Variants in WDR25 observed in about 807,000 individuals in gnomAD.
The protein encoded by WDR25 is WD repeat-containing protein 25.
WDR25 carries 35 observed loss-of-function variants against 47.7 expected under a neutral mutation model. The observed-to-expected ratio is 0.73, with a 90% CI of 0.56 to 0.97. The LOEUF (loss-of-function observed/expected upper bound fraction) is 0.97. WDR25 is among the 50% of genes least tolerant of loss of function. The pLI is 0.00. For missense variants in WDR25, 634 were observed against 704.7 expected, an observed-to-expected ratio of 0.90 and a Z score of 1.14; for synonymous variants, 248 against 278.9, an observed-to-expected ratio of 0.89 and a Z score of 1.10.
At chr14:100,443,857 G>A (rs528005192) in intron 2 of WDR25, among the ~76,000 whole-genome samples, 3 of 152,286 alleles carry the variant, frequency 2.0e-5, no homozygotes, top group African/African-American at 7.2e-5. Context: ...AATTGCTGTC[G>A]TTTAGTGCCG....
intron 4 of WDR25, among the ~76,000 whole-genome samples, chr14:100,519,051 C>A (rs1901605858): frequency 6.6e-6 from 1 of 152,046 alleles, no homozygotes; most frequent in East Asian, 1.9e-4. Flanking sequence ...CCACTATGTA[C>A]TGCCTTAATC....
Position 100,529,132 on chromosome 14 carries a change from A to C in WDR25, c.1337A>C (p.Asn446Thr). 1.2e-6 allele frequency: 2 copies of C among 1,601,734 alleles called. 1 individual carries two copies. The highest frequency in any genetic ancestry group is 2.2e-5 in the South Asian group (2 of 90,614). Residue 446 changes from asparagine (N) to threonine (T), a missense_variant, in exon 6 of 7, where the codon AAT becomes ACT. By Grantham distance (65) the Asn-to-Thr change is moderately conservative. Transcript: ENST00000402312. This position sits in a 1 kb window ranked among gnomAD's most constrained non-coding sequence, Gnocchi z 5.1. Reference sequence around the variant, plus strand: ...GAGCCCGTGTTCCTGGCACAGACCAATGGCAACTACCTGGCCCTTTTCTCC... The same window carrying C: ...GAGCCCGTGTTCCTGGCACAGACCACTGGCAACTACCTGGCCCTTTTCTCC... The part of the protein sequence containing the change: ...PREPVFLAQT[N>T]GNYLALFSTV...
intron 4 of WDR25, among the ~76,000 whole-genome samples, chr14:100,485,221 C>T (rs905934484): frequency 7.9e-5 from 12 of 152,100 alleles, no homozygotes; most frequent in African/African-American, 7.2e-5. Context: ...TATTACCTCT[C>T]GGTGAGGTGC....
chr14:100,397,676 A>G (rs1897289300), intron 2 of WDR25, among the ~76,000 whole-genome samples: 1 of 152,192 alleles, frequency 6.6e-6, no homozygotes. Flanking sequence ...ATGGGTAGCC[A>G]TTGCTCAGCA....
At chr14:100,503,359 G>A (rs761166099) in intron 4 of WDR25, among the ~76,000 whole-genome samples, 13 of 152,068 alleles carry the variant, frequency 8.5e-5, no homozygotes, top group South Asian at 2.1e-4. Flanking sequence ...ATTAAAGCGC[G>A]CCATCTTTAA....
chr14:100,426,604 G>T (rs1452624250), intron 2 of WDR25, among the ~76,000 whole-genome samples: 1 of 152,238 alleles, frequency 6.6e-6, no homozygotes, highest in African/African-American at 2.4e-5. Context: ...GTTCTCCAGA[G>T]CTCTTCACTC....
At chr14:100,517,596 C>A (rs1487542538) in intron 4 of WDR25, among the ~76,000 whole-genome samples, 3 of 152,162 alleles carry the variant, frequency 2.0e-5, no homozygotes, top group Non-Finnish European at 4.4e-5. Context: ...GTAATCCTAG[C>A]ACTTTGGGAG....
chr14:100,459,822 C>T (rs1899318314), intron 2 of WDR25, among the ~76,000 whole-genome samples: 1 of 148,554 alleles, frequency 6.7e-6, no homozygotes, highest in South Asian at 2.2e-4. Context: ...TTAAGGCACT[C>T]AGTTTATGGT....
At chr14:100,512,150 T>G (rs1595161668) in intron 4 of WDR25, among the ~76,000 whole-genome samples, 1 of 152,198 alleles carries the variant, frequency 6.6e-6, no homozygotes, top group Non-Finnish European at 1.5e-5. Flanking sequence ...CTCATCAATT[T>G]TCTGGAAGAC....
chr14:100,420,438 T>G (rs1897994316), intron 2 of WDR25, among the ~76,000 whole-genome samples: 1 of 152,234 alleles, frequency 6.6e-6, no homozygotes, highest in Non-Finnish European at 1.5e-5. Flanking sequence ...TACCACAATT[T>G]GCTAGTTGTA....
chr14:100,513,690 CTTT>C (rs77651175), intron 4 of WDR25, among the ~76,000 whole-genome samples: 11,201 of 145,350 alleles, frequency 0.077, 1,373 homozygotes, highest in African/African-American at 0.26. Context: ...AAAGGACCCT[CTTT>C]TTTTTTTTTC....
At chr14:100,439,498 G>A (rs1431424523) in intron 2 of WDR25, among the ~76,000 whole-genome samples, 2 of 152,214 alleles carry the variant, frequency 1.3e-5, no homozygotes, top group East Asian at 3.9e-4. Flanking sequence ...TAGATGGAGG[G>A]AAGCCGTCAA....
intron 2 of WDR25, among the ~76,000 whole-genome samples, chr14:100,400,761 G>A (rs962939632): frequency 2.6e-5 from 4 of 152,142 alleles, no homozygotes; most frequent in African/African-American, 4.8e-5. Context: ...TTTAAATATT[G>A]CCCTTTCAGT....
intron 1 of WDR25, among the ~76,000 whole-genome samples, chr14:100,379,263 G>A (rs1295115998): frequency 6.6e-6 from 1 of 152,138 alleles, no homozygotes; most frequent in Non-Finnish European, 1.5e-5. Context: ...CTACAGTGGG[G>A]TTGCTGGGGT....
At chr14:100,495,741 T>C (rs1443405632) in intron 4 of WDR25, among the ~76,000 whole-genome samples, 1 of 152,242 alleles carries the variant, frequency 6.6e-6, no homozygotes, top group Non-Finnish European at 1.5e-5. Context: ...AGCTTTTTAC[T>C]TGCTAGGACA....
At chr14:100,420,329 C>G (rs1442540775) in intron 2 of WDR25, among the ~76,000 whole-genome samples, 3 of 151,850 alleles carry the variant, frequency 2.0e-5, no homozygotes, top group South Asian at 4.1e-4. Flanking sequence ...TTTTATCGTT[C>G]TATAGGGATT....
intron 4 of WDR25, among the ~76,000 whole-genome samples, chr14:100,524,420 G>A (rs984298184): frequency 2.0e-5 from 3 of 152,234 alleles, no homozygotes; most frequent in African/African-American, 7.2e-5. Context: ...GGTGGGGGCT[G>A]TGATATCAAG....
rs993334163 is a variant in WDR25, at chr14:100,430,825, C to T, written c.823-37196C>T. Among the ~76,000 whole-genome samples the T allele has an allele frequency of 1.3e-5, 2 of 152,178 alleles. No individual in the cohort carries two copies. The highest frequency in any genetic ancestry group is 3.9e-4 in the East Asian group (2 of 5,190). On this transcript the variant is annotated intron_variant, in intron 2 of 6. Transcript: ENST00000402312. The surrounding 1 kb of genome is among the most constrained non-coding windows in gnomAD (Gnocchi z 4.7). Reference sequence around the variant, plus strand: ...TGGCAACGTGGACATTTCTGGCTGTCGAGAAGGGGCCTAAGAGGTGCCCAC... The same window carrying T: ...TGGCAACGTGGACATTTCTGGCTGTTGAGAAGGGGCCTAAGAGGTGCCCAC...
At chr14:100,437,209 G>A (rs894429302) in intron 2 of WDR25, among the ~76,000 whole-genome samples, 3 of 152,130 alleles carry the variant, frequency 2.0e-5, no homozygotes, top group African/African-American at 2.4e-5. Flanking sequence ...CAACCCACAC[G>A]TTGGTCTTGC....
Sources: gnomAD v4.1 joint callset for allele counts (sites outside exome capture counted in the v4.1 genomes callset) on GRCh38, gnomAD v4.1.1 for gene constraint, Gnocchi (gnomAD v3.1) non-coding constraint, MANE v1.5 for transcripts, NCBI Gene and HGNC (gene_info 2026-07-23, HGNC 2026-07-21) for gene names.